The following LAMC2 variants were observed in gnomAD, a reference collection of about 807,000 sequenced individuals.
The protein encoded by LAMC2 is laminin subunit gamma 2.
Under a neutral mutation model 140.2 loss-of-function variants are expected in LAMC2, and 97 were observed. The observed-to-expected ratio is 0.69, with a 90% CI of 0.59 to 0.82. The LOEUF is 0.82. Among genes scored for constraint, LAMC2 ranks in the 40% least tolerant of loss-of-function variants. LAMC2 has a pLI of 0.00. For synonymous variants in LAMC2, 513 were observed against 540.2 expected, an observed-to-expected ratio of 0.95 and a Z score of 0.70; for missense variants, 1,402 against 1,476.1, an observed-to-expected ratio of 0.95 and a Z score of 0.82.
chr1:183,251,682 G>C, the LAMC2 span: 1 of 152,836 alleles, frequency 6.5e-6, no homozygotes, highest in African/African-American at 2.4e-5. Flanking sequence ...TAAATGAACA[G>C]ATGCCACCAG....
the LAMC2 span, among the ~76,000 whole-genome samples, chr1:183,256,934 T>G: frequency 6.6e-6 from 1 of 151,958 alleles, no homozygotes; most frequent in South Asian, 2.1e-4. Flanking sequence ...GTATTTTTAG[T>G]AGAGATGGGG....
rs1659690079 is a variant in LAMC2, at chr1:183,228,244, T to G, written c.1469-130T>G. The G allele has an allele frequency of 8.0e-7, 1 of 1,243,808 alleles. No individual in the cohort carries two copies. Among genetic ancestry groups the G allele is most frequent in the Non-Finnish European group, 1.2e-6 (1 of 864,914 alleles). The allele number at this position is 1,243,808 out of a possible 1,614,324, so 77.0% of individuals were successfully genotyped here. A position where few individuals can be genotyped will look rare whatever the true frequency, so the allele number is the denominator to read the frequency against. On this transcript the variant is annotated intron_variant, in intron 10 of 22. Transcript: ENST00000264144. The surrounding 1 kb of genome is among the most constrained non-coding windows in gnomAD (Gnocchi z 4.3). Reference sequence around the variant, plus strand: ...CCTTGCATGCCTGCTCCTGAGGGCTTTGTTCTGGGGTCCCTAGGGAAGCAC... The same window carrying G: ...CCTTGCATGCCTGCTCCTGAGGGCTGTGTTCTGGGGTCCCTAGGGAAGCAC...
At chr1:183,204,028 G>A (rs531718207) in intron 1 of LAMC2, among the ~76,000 whole-genome samples, 1 of 152,322 alleles carries the variant, frequency 6.6e-6, no homozygotes, top group East Asian at 1.9e-4. Context: ...GGTAGCTCAT[G>A]CCTGTAATTC....
chr1:183,219,243 C>G (rs1659390135), intron 4 of LAMC2, among the ~76,000 whole-genome samples: 1 of 152,210 alleles, frequency 6.6e-6, no homozygotes, highest in East Asian at 1.9e-4. Flanking sequence ...CTTATACCTG[C>G]ACAGAGGAAA....
chr1:183,226,824 C>T lies in LAMC2; in HGVS notation c.1193C>T (p.Ser398Phe). The part of the protein sequence containing the change: ...YKGQFCQDCA[S>F]GYKRDSARLG... ...GGGCAATTCTGCCAGGATTGTGCTTCTGGCTACAAGAGAGATTCAGCGAGA... is the reference window on the plus strand; with the variant it reads ...GGGCAATTCTGCCAGGATTGTGCTTTTGGCTACAAGAGAGATTCAGCGAGA... Residue 398 changes from serine (S) to phenylalanine (F), a missense_variant, in exon 9 of 23, where the codon TCT becomes TTT. Physicochemically the swap from Ser to Phe is radical, Grantham distance 155 (BLOSUM62 -2). Coordinates refer to ENST00000264144, the MANE Select transcript of LAMC2 (RefSeq NM_005562.3). 6.2e-7 allele frequency: 1 copy of T among 1,614,206 alleles called. No homozygotes were observed. Among genetic ancestry groups the T allele is most frequent in the Non-Finnish European group, 8.5e-7 (1 of 1,180,044 alleles).
At chr1:183,203,472 T>C (rs1658784260) in intron 1 of LAMC2, among the ~76,000 whole-genome samples, 1 of 151,976 alleles carries the variant, frequency 6.6e-6, no homozygotes, top group Non-Finnish European at 1.5e-5. Context: ...AGTTGTTTCC[T>C]GCCCCCCGCC....
chr1:183,229,675 C>G (rs1320410899), intron 11 of LAMC2, among the ~76,000 whole-genome samples: 1 of 151,128 alleles, frequency 6.6e-6, no homozygotes, highest in Non-Finnish European at 1.5e-5. Context: ...ACTCTGGACA[C>G]CCAGGTTGGA....
At chr1:183,239,323 G>C (rs1034149825) in intron 19 of LAMC2, 41 bp from the exon 20 acceptor site, 2 of 1,571,218 alleles carry the variant, frequency 1.3e-6, no homozygotes, top group African/African-American at 1.4e-5. Context: ...TTGTAAATTT[G>C]CTTTCATCTT....
intron 12 of LAMC2, 150 bp from the exon 13 acceptor site, chr1:183,232,037 C>A: frequency 2.3e-6 from 2 of 871,290 alleles, no homozygotes; most frequent in Non-Finnish European, 3.7e-6. Context: ...AACTCAAGGA[C>A]TCTCTAGGCT....
chr1:183,258,869 C>G, the LAMC2 span, among the ~76,000 whole-genome samples: 1 of 152,324 alleles, frequency 6.6e-6, no homozygotes, highest in South Asian at 2.1e-4. Context: ...GCACTCCTGG[C>G]TCACTGGCTT....
At chr1:183,216,314 C>A (rs891514178) in intron 3 of LAMC2, among the ~76,000 whole-genome samples, 4 of 152,168 alleles carry the variant, frequency 2.6e-5, no homozygotes, top group Non-Finnish European at 5.9e-5. Context: ...CTTCCCTGAC[C>A]CTTTCAGATG....
the LAMC2 span, chr1:183,251,495 G>C: frequency 3.9e-5 from 6 of 152,338 alleles, no homozygotes; most frequent in Admixed American, 6.5e-5. Flanking sequence ...TGGACTCCTA[G>C]TGTTTTTTTG....
At position 183,204,033 on chromosome 1, in the gene LAMC2, T is replaced by C. The variant is rs925201694; in HGVS notation, c.80-3848T>C. On this transcript the variant is annotated intron_variant, in intron 1 of 22. Transcript: ENST00000264144. The stretch of plus-strand genomic sequence containing the variant: ...GGGCAGGCATGGTAGCTCATGCCTG[T>C]AATTCCAGCACTTTGGGAGGCTGAG... 1.4e-4 allele frequency among the ~76,000 whole-genome samples: 21 copies of C among 152,270 alleles called. No individual in the cohort carries two copies. The East Asian group carries it at 3.9e-3, about 28-fold the overall frequency.
downstream of LAMC2, among the ~76,000 whole-genome samples, chr1:183,247,453 G>A (rs1660262484): frequency 6.7e-6 from 1 of 149,696 alleles, no homozygotes; most frequent in Non-Finnish European, 1.5e-5. Context: ...CAATTTACAA[G>A]CATATCAAGC....
chr1:183,243,014 A>T, intron 22 of LAMC2, 133 bp from the exon 23 acceptor site: 1 of 965,822 alleles, frequency 1.0e-6, no homozygotes, highest in Non-Finnish European at 1.6e-6. Context: ...AATAAGCTTT[A>T]AAATTCATGG....
intron 2 of LAMC2, among the ~76,000 whole-genome samples, chr1:183,209,915 T>C (rs1173116691): frequency 6.6e-6 from 1 of 152,146 alleles, no homozygotes; most frequent in Admixed American, 6.5e-5. Context: ...ATTTGGGTAA[T>C]AGATATCCCA....
the LAMC2 span, among the ~76,000 whole-genome samples, chr1:183,256,945 T>A: frequency 6.6e-6 from 1 of 151,558 alleles, no homozygotes; most frequent in Non-Finnish European, 1.5e-5. Flanking sequence ...AGAGATGGGG[T>A]TTAACCATAT....
At position 183,240,089 on chromosome 1, in the gene LAMC2, T is replaced by A; in HGVS notation, c.3119T>A (p.Leu1040Ter). 1 of 1,614,168 alleles carries A rather than the reference T, an allele frequency of 6.2e-7. No homozygotes were observed. The highest frequency in any genetic ancestry group is 8.5e-7 in the Non-Finnish European group (1 of 1,180,022). ...LEANVTADGALAMEKGLASLK... is the reference protein window; with the variant it reads ...LEANVTADGA ...GCCAATGTGACAGCAGATGGAGCCT[T>A]GGCCATGGAAAAGGGACTGGCCTCT... Residue 1040 changes from leucine (L) to a stop codon, truncating the protein, a stop_gained, in exon 21 of 23, where the codon TTG (leucine) becomes TAG (stop). Coordinates refer to ENST00000264144, the MANE Select transcript of LAMC2 (RefSeq NM_005562.3). LOFTEE classifies it high-confidence loss of function.
At chr1:183,198,622 A>G (rs1281570342) in intron 1 of LAMC2, among the ~76,000 whole-genome samples, 2 of 152,220 alleles carry the variant, frequency 1.3e-5, no homozygotes, top group Non-Finnish European at 2.9e-5. Flanking sequence ...TTTAAACATG[A>G]TGCTCAAATT....
Sources: gnomAD v4.1 joint callset for allele counts (sites outside exome capture counted in the v4.1 genomes callset) on GRCh38, gnomAD v4.1.1 for gene constraint, Gnocchi (gnomAD v3.1) non-coding constraint, MANE v1.5 for transcripts, NCBI Gene and HGNC (gene_info 2026-07-23, HGNC 2026-07-21) for gene names.